DCLK1: variants seen among roughly 807,000 people sequenced by gnomAD.
DCLK1 encodes the protein serine/threonine-protein kinase DCLK1.
DCLK1 carries 16 observed loss-of-function variants against 86.2 expected under a neutral mutation model. The ratio of observed to expected loss-of-function variants is 0.19; its 90% CI spans 0.13 to 0.28. DCLK1 has a LOEUF of 0.28. Ranked by LOEUF, DCLK1 falls within the 10% of genes least tolerant of loss-of-function variation. The probability of loss-of-function intolerance (pLI) is 1.00; values close to 1 mark genes in which losing one functional copy is unlikely to be tolerated. For synonymous variants in DCLK1, 369 were observed against 370.5 expected, an observed-to-expected ratio of 1.00 and a Z score of 0.05; for missense variants, 590 against 940.2, an observed-to-expected ratio of 0.63 and a Z score of 4.87.
At chr13:35,970,890 T>A (rs1593780097) in intron 3 of DCLK1, among the ~76,000 whole-genome samples, 1 of 152,272 alleles carries the variant, frequency 6.6e-6, no homozygotes, top group East Asian at 1.9e-4. Flanking sequence ...TAAATGTTAA[T>A]CACCAGCCTC....
chr13:35,800,276 A>C (rs1464453023), intron 15 of DCLK1, among the ~76,000 whole-genome samples: 1 of 152,242 alleles, frequency 6.6e-6, no homozygotes, highest in Non-Finnish European at 1.5e-5. Flanking sequence ...CTCTTCAACT[A>C]TATGATCCTT....
At chr13:36,022,092 T>C (rs115488104) in intron 3 of DCLK1, among the ~76,000 whole-genome samples, 1,930 of 152,132 alleles carry the variant, frequency 0.013, 36 homozygotes, top group African/African-American at 0.044. Flanking sequence ...TCTGATCACA[T>C]TGGAATGAAA....
At chr13:36,016,742 A>G (rs1371773486) in intron 3 of DCLK1, among the ~76,000 whole-genome samples, 4 of 152,234 alleles carry the variant, frequency 2.6e-5, no homozygotes, top group African/African-American at 9.6e-5. Flanking sequence ...CCACATTAAT[A>G]AACTAAAAAG....
intron 3 of DCLK1, among the ~76,000 whole-genome samples, chr13:36,097,584 T>C (rs1593887381): frequency 6.6e-6 from 1 of 152,264 alleles, no homozygotes; most frequent in East Asian, 1.9e-4. Flanking sequence ...CTAAATGGAT[T>C]ATTTTCATAA....
At position 36,112,084 on chromosome 13, in the gene DCLK1, T is replaced by G. The variant is rs1461609252; in HGVS notation, c.508A>C (p.Lys170Gln). The change falls in exon 3 of 17, where the codon AAA becomes CAA. Residue 170 changes from lysine (K) to glutamine (Q), a missense_variant. Lys to Gln is a moderately conservative substitution (Grantham distance 53). Around this residue, in one of 6 missense-constraint regions of DCLK1, gnomAD observed 195 missense variants for 365.1 expected, o/e 0.53. Coordinates refer to ENST00000360631, the MANE Select transcript of DCLK1 (RefSeq NM_001330071.2). ...SRAVSSLATA[K>Q]GSPSEVRENK... is the part of the protein sequence containing the mutation. Reference sequence around the variant, plus strand: ...TCTCGCACCTCTGAAGGGCTTCCTTTGGCAGTGGCCAGTGAAGACACTGCC... The same window carrying G: ...TCTCGCACCTCTGAAGGGCTTCCTTGGGCAGTGGCCAGTGAAGACACTGCC... The G allele has an allele frequency of 1.2e-6, 2 of 1,614,112 alleles. No individual in the cohort carries two copies. The highest frequency in any genetic ancestry group is 1.7e-6 in the Non-Finnish European group (2 of 1,180,048).
At chr13:36,018,301 T>G (rs1196265924) in intron 3 of DCLK1, among the ~76,000 whole-genome samples, 1 of 152,176 alleles carries the variant, frequency 6.6e-6, no homozygotes, top group African/African-American at 2.4e-5. Context: ...ATTTTCTTTT[T>G]TCAATTAAAT....
chr13:35,980,267 C>T (rs1879567378), intron 3 of DCLK1, among the ~76,000 whole-genome samples: 1 of 152,060 alleles, frequency 6.6e-6, no homozygotes, highest in African/African-American at 2.4e-5. Flanking sequence ...ACCAGCCTGG[C>T]CAACATGGTG....
chr13:35,903,886 A>G (rs1366796784), intron 4 of DCLK1, among the ~76,000 whole-genome samples: 1 of 152,194 alleles, frequency 6.6e-6, no homozygotes, highest in East Asian at 1.9e-4. Context: ...TTGACCTAAC[A>G]ATATCAATTT....
intron 3 of DCLK1, among the ~76,000 whole-genome samples, chr13:35,958,022 C>CTATAACCATT (rs1878120832): frequency 2.2e-4 from 1 of 4,548 alleles, no homozygotes; most frequent in African/African-American, 1.2e-3. Context: ...CACCATCACA[C>CTATAACCATT]ACCACAACTA....
intron 16 of DCLK1, among the ~76,000 whole-genome samples, chr13:35,787,312 G>A (rs1593588176): frequency 1.3e-5 from 2 of 150,922 alleles, no homozygotes; most frequent in East Asian, 3.9e-4. Flanking sequence ...AAGATGTGGA[G>A]TGTTACCTGG....
chr13:35,769,020 C>T lies in DCLK1; in HGVS notation c.*5515G>A, dbSNP rs2086281204. The T allele has an allele frequency of 6.6e-6, 1 of 152,144 alleles. No homozygotes were observed. The highest frequency in any genetic ancestry group is 6.5e-5 in the Admixed American group (1 of 15,272). 9.4% of individuals were successfully genotyped at this position (152,144 alleles called of 1,614,324 possible). The stretch of plus-strand genomic sequence containing the variant: ...ACTATTATTTTATTAACTTTAAGAA[C>T]ATGTTTTACATAAAAACAGGCAACA... On this transcript the variant is annotated 3_prime_UTR_variant, in exon 17 of 17. Transcript: ENST00000360631.
chr13:35,823,892 C>A (rs2087457550), intron 10 of DCLK1, among the ~76,000 whole-genome samples: 1 of 152,244 alleles, frequency 6.6e-6, no homozygotes, highest in South Asian at 2.1e-4. Flanking sequence ...AGTCTCCACT[C>A]TGGAGACTTC....
chr13:35,804,262 C>T (rs527492054), intron 15 of DCLK1, among the ~76,000 whole-genome samples: 2 of 150,900 alleles, frequency 1.3e-5, no homozygotes, highest in South Asian at 2.1e-4. Context: ...TCCCGAGTAG[C>T]TGGGATTACA....
At chr13:35,825,297 G>A (rs537315509) in intron 10 of DCLK1, among the ~76,000 whole-genome samples, 1 of 152,190 alleles carries the variant, frequency 6.6e-6, no homozygotes, top group Admixed American at 6.5e-5. Flanking sequence ...GAAGCTTCTC[G>A]AGCTGTCCTC....
chr13:35,965,936 C>T (rs763190473), intron 3 of DCLK1, among the ~76,000 whole-genome samples: 10 of 152,146 alleles, frequency 6.6e-5, no homozygotes, highest in African/African-American at 1.9e-4. Context: ...AGTTCCTAGA[C>T]ATTTGAAACA....
Position 35,986,300 on chromosome 13 carries a change from C to CAA in DCLK1, c.724-38845_724-38844dup, listed in dbSNP as rs60156251. 3.4e-4 allele frequency among the ~76,000 whole-genome samples: 15 copies of CAA among 44,412 alleles called. 1 individual carries two copies. The highest frequency in any genetic ancestry group is 1.1e-3 in the African/African-American group (11 of 9,592). 29.1% of individuals were successfully genotyped at this position (44,412 alleles called of 152,430 possible). A position where few individuals can be genotyped will look rare whatever the true frequency, so the allele number is the denominator to read the frequency against. On this transcript the variant is annotated intron_variant, in intron 3 of 16. Transcript: ENST00000360631. Reference sequence around the variant, plus strand: ...CTGGGTGACAGAGTGGACTCCGTCTCAAAAAAAAAAAAAAAAAAAAAAAAA... The same window carrying CAA: ...CTGGGTGACAGAGTGGACTCCGTCTCAAAAAAAAAAAAAAAAAAAAAAAAAAA...
chr13:35,837,009 C>T (rs181721843), intron 7 of DCLK1, among the ~76,000 whole-genome samples: 32 of 152,298 alleles, frequency 2.1e-4, no homozygotes, highest in African/African-American at 4.3e-4. Flanking sequence ...TCCCAGCTCT[C>T]CCTCAGGCAA....
At chr13:35,990,795 G>A (rs1880187016) in intron 3 of DCLK1, among the ~76,000 whole-genome samples, 1 of 117,946 alleles carries the variant, frequency 8.5e-6, no homozygotes, top group Non-Finnish European at 2.0e-5. Context: ...GCCAACGTGG[G>A]GATTTTTTTT....
At chr13:35,889,187 G>C (rs1312716393) in intron 4 of DCLK1, among the ~76,000 whole-genome samples, 1 of 152,144 alleles carries the variant, frequency 6.6e-6, no homozygotes, top group Non-Finnish European at 1.5e-5. Context: ...AGCAACAGCA[G>C]GATTCTCCTG....
Sources: allele counts gnomAD v4.1 joint callset (sites outside exome capture counted in the v4.1 genomes callset), GRCh38; gene constraint gnomAD v4.1.1; regional missense constraint gnomAD v4.1.1; transcripts MANE v1.5; gene names NCBI Gene and HGNC (gene_info 2026-07-23, HGNC 2026-07-21).